Variants in ARX observed in about 807,000 individuals in gnomAD.
The protein encoded by ARX is aristaless related homeobox.
In ARX, 1 loss-of-function variant was observed where a neutral mutation model predicts 23.1. The observed-to-expected ratio is 0.04, with a 90% CI of 0.02 to 0.21. The LOEUF (loss-of-function observed/expected upper bound fraction) is 0.21, where lower values mean the gene tolerates loss of function less well. Among genes scored for constraint, ARX ranks in the 10% least tolerant of loss-of-function variants. The pLI, the probability that ARX is intolerant of heterozygous loss-of-function variation, is 1.00. For synonymous variants in ARX, 301 were observed against 270.1 expected, an observed-to-expected ratio of 1.11 and a Z score of -1.12; for missense variants, 380 against 527.5, an observed-to-expected ratio of 0.72 and a Z score of 2.74.
chrX:25,006,840 G>A (rs999309614), intron 4 of ARX, among the ~76,000 whole-genome samples: 1 of 110,940 alleles, frequency 9.0e-6, no homozygotes, highest in Non-Finnish European at 1.9e-5. Flanking sequence ...CCTGCAAATG[G>A]TACTTTTACA....
chrX:25,004,652 G>C lies in ARX; in HGVS notation c.*18C>G, dbSNP rs1048368184. On this transcript the variant is annotated 3_prime_UTR_variant, in exon 5 of 5. Transcript: ENST00000379044. ...ACCTTTCGGGGCGCGCGCGGGGCGC[G>C]GGTGTGGAGGGCAGCCTTTAGCACA... 2.6e-6 allele frequency: 3 copies of C among 1,163,481 alleles called. No individual in the cohort carries two copies. The highest frequency in any genetic ancestry group is 3.6e-5 in the African/African-American group (2 of 56,173).
chrX:25,015,472 G>C (rs765585311), intron 1 of ARX, 70 bp downstream of exon 1: 1 of 1,140,534 alleles, frequency 8.8e-7, no homozygotes, highest in East Asian at 3.1e-5. Flanking sequence ...CAGGCCACTG[G>C]CCCCCGAACA....
intron 1 of ARX, 86 bp from the exon 2 acceptor site, chrX:25,013,884 C>T: frequency 9.3e-6 from 8 of 858,288 alleles, no homozygotes; most frequent in African/African-American, 2.1e-5. Context: ...GCAGTTGCTC[C>T]CCCAGTGCCT....
At position 25,004,556 on chromosome X, in the gene ARX, C is replaced by G. The variant is rs759841063; in HGVS notation, c.*114G>C. On this transcript the variant is annotated 3_prime_UTR_variant, in exon 5 of 5. Transcript: ENST00000379044. ...AGACTGCTGTGAAGGCGGCTGCGCT[C>G]TCTCAGTGCCGTCTCGGGAGTGTGC... is the stretch of plus-strand genomic sequence containing the variant. 6.7e-5 allele frequency: 75 copies of G among 1,120,670 alleles called. No individual in the cohort carries two copies. Among genetic ancestry groups the G allele is most frequent in the Non-Finnish European group, 8.3e-5 (70 of 844,042 alleles). 92.4% of individuals were successfully genotyped at this position (1,120,670 alleles called of 1,213,427 possible).
intron 2 of ARX, 98 bp downstream of exon 2, chrX:25,012,824 G>A: frequency 2.6e-6 from 3 of 1,157,962 alleles, no homozygotes; most frequent in Non-Finnish European, 3.5e-6. Flanking sequence ...GGAGCCAAGC[G>A]TCCGCCCCGA....
intron 3 of ARX, among the ~76,000 whole-genome samples, chrX:25,009,216 GC>G (rs927138222): frequency 9.9e-5 from 11 of 111,649 alleles, no homozygotes; most frequent in African/African-American, 2.6e-4. Flanking sequence ...TACCTCTGAG[GC>G]CCCCCAAAGG....
Position 25,013,642 on chromosome X carries a change from G to T in ARX, c.353C>A (p.Thr118Lys). Residue 118 changes from threonine (T) to lysine (K), a missense_variant, in exon 2 of 5, where the codon ACG (threonine) becomes AAG (lysine). Transcript: ENST00000379044. ...AGGGGCCTCCCCGCGTGGACCCGCC[G>T]TGGCCGTGGCGGCCGCTGCCGCCGC... ...AAAAAAAATA[T>K]AGPRGEAPPP... 1.3e-6 allele frequency: 1 copy of T among 762,301 alleles called. No individual in the cohort carries two copies. The highest frequency in any genetic ancestry group is 1.5e-6 in the Non-Finnish European group (1 of 647,205). The allele number at this position is 762,301 out of a possible 1,213,427, so 62.8% of individuals were successfully genotyped here.
In ARX at chrX:25,013,157, C is replaced by T; in HGVS notation, c.838G>A (p.Ala280Thr). 8.4e-7 allele frequency: 1 copy of T among 1,196,662 alleles called. No homozygotes were observed. Among genetic ancestry groups the T allele is most frequent in the Non-Finnish European group, 1.1e-6 (1 of 889,222 alleles). ...ATGAVAAAAAAAVATEGGELS... is the reference protein window; with the variant it reads ...ATGAVAAAAATAVATEGGELS... ...TCCCCGCCCTCTGTGGCCACTGCAG[C>T]GGCAGCTGCTGCGGCCACGGCGCCA... The change falls in exon 2 of 5, where the codon GCT (alanine) becomes ACT (threonine). Residue 280 changes from alanine (A) to threonine (T), a missense_variant. By Grantham distance (58) the Ala-to-Thr change is moderately conservative. Coordinates refer to ENST00000379044, the MANE Select transcript of ARX (RefSeq NM_139058.3).
chrX:25,013,514 T>C lies in ARX; in HGVS notation c.481A>G (p.Ile161Val). 1.2e-6 allele frequency: 1 copy of C among 861,887 alleles called. No homozygotes were observed. Among genetic ancestry groups the C allele is most frequent in the Non-Finnish European group, 1.4e-6 (1 of 711,279 alleles). 71.0% of individuals were successfully genotyped at this position (861,887 alleles called of 1,213,427 possible). ...AAAAAWDTLK[I>V]SQAPQVSISR... ...ATGCTCACCTGCGGCGCCTGGCTGA[T>C]CTTGAGCGTGTCCCAGGCCGCGGCG... Residue 161 changes from isoleucine to valine, a missense_variant, in exon 2 of 5, where the codon ATC (isoleucine) becomes GTC (valine). Ile to Val is a conservative substitution (Grantham distance 29). Around this residue, in one of 3 missense-constraint regions of ARX, gnomAD observed 235 missense variants for 270.2 expected, o/e 0.87. Coordinates refer to ENST00000379044, the MANE Select transcript of ARX (RefSeq NM_139058.3).
In ARX at chrX:25,013,686, C is replaced by T. The variant is rs1459300934; in HGVS notation, c.309G>A (p.Ala103=). ...GGRLLQGAAA[A]AAAAAAAAAA... is the part of the protein sequence containing the mutation. ...CCGCCGCCGCCGCCGCCGCCGCCGC[C>T]GCCGCTGCCGCACCCTGAAGGAGGC... The change falls in exon 2 of 5, where the codon GCG becomes GCA. Residue 103 remains alanine (A), a synonymous_variant. Transcript: ENST00000379044. 3.5e-6 allele frequency: 3 copies of T among 862,538 alleles called. No individual in the cohort carries two copies. The highest frequency in any genetic ancestry group is 6.1e-5 in the South Asian group (1 of 16,482). The allele number at this position is 862,538 out of a possible 1,213,427, so 71.1% of individuals were successfully genotyped here.
intron 4 of ARX, 99 bp from the exon 5 acceptor site, chrX:25,005,009 G>A (rs2048671519): frequency 2.0e-6 from 2 of 1,025,356 alleles, no homozygotes; most frequent in Non-Finnish European, 2.5e-6. Context: ...GCTGAGGGGC[G>A]CGGTACCCAC....
At chrX:25,008,300 G>T (rs2048687406) in intron 3 of ARX, among the ~76,000 whole-genome samples, 1 of 112,907 alleles carries the variant, frequency 8.9e-6, no homozygotes, top group Non-Finnish European at 1.9e-5. Flanking sequence ...CAATACCTGG[G>T]CGCATAGAAA....
Position 25,015,683 on chromosome X carries a change from T to G in ARX, c.55A>C (p.Lys19Gln). 1 of 1,206,725 alleles carries G rather than the reference T, an allele frequency of 8.3e-7. No homozygotes were observed. Among genetic ancestry groups the G allele is most frequent in the South Asian group, 1.8e-5 (1 of 55,859 alleles). ...GCSERPECKSKSPTLLSSYCI... is the reference protein window; with the variant it reads ...GCSERPECKSQSPTLLSSYCI... ...TAGGAGGAGAGCAAAGTTGGAGATT[T>G]ACTTTTGCACTCGGGCCTCTCGGAG... The change falls in exon 1 of 5, where the codon AAA (lysine) becomes CAA (glutamine). Residue 19 changes from lysine to glutamine, a missense_variant. By Grantham distance (53) the Lys-to-Gln change is moderately conservative. This residue lies in a region of ARX where 235 missense variants were observed against 270.2 expected (regional missense o/e 0.87). Coordinates refer to ENST00000379044, the MANE Select transcript of ARX (RefSeq NM_139058.3).
At chrX:25,014,106 C>T (rs1305941105) in intron 1 of ARX, among the ~76,000 whole-genome samples, 1 of 108,254 alleles carries the variant, frequency 9.2e-6, no homozygotes, top group Non-Finnish European at 1.9e-5. Context: ...TCCTCTTGCC[C>T]CTCTCTCCCT....
rs1054846913 is a variant in ARX at position 25,003,859 on chromosome X, A to G, written c.*811T>C. On this transcript the variant is annotated 3_prime_UTR_variant, in exon 5 of 5. Coordinates refer to ENST00000379044, the MANE Select transcript of ARX (RefSeq NM_139058.3). ...AATAAGTTAAATAAAGGGCTTGAGT[A>G]CATAAATATTTGTCTAGGAACCCTA... 8.9e-6 allele frequency: 1 copy of G among 111,943 alleles called. No homozygotes were observed. Among genetic ancestry groups the G allele is most frequent in the Non-Finnish European group, 1.9e-5 (1 of 53,208 alleles). The allele number at this position is 111,943 out of a possible 1,213,427, so 9.2% of individuals were successfully genotyped here.
rs587783194 is a variant in ARX, at chrX:25,013,784, T to A, written c.211A>T (p.Ser71Cys). Residue 71 changes from serine (S) to cysteine (C), a missense_variant, in exon 2 of 5, where the codon AGC becomes TGC. Ser to Cys is a moderately radical substitution (Grantham distance 112). Transcript: ENST00000379044. Reference protein sequence around the residue: ...EKAVQGSPKSSSAPFEAELHL... With the variant: ...EKAVQGSPKSCSAPFEAELHL... ...AGCTCGGCCTCGAACGGGGCGCTGC[T>A]GCTCTTAGGGGAGCCTGCGGGCAAG... The A allele has an allele frequency of 8.6e-6, 8 of 927,345 alleles. No homozygotes were observed. Among genetic ancestry groups the A allele is most frequent in the Non-Finnish European group, 1.1e-5 (8 of 749,597 alleles). 76.4% of individuals were successfully genotyped at this position (927,345 alleles called of 1,213,427 possible).
intron 4 of ARX, among the ~76,000 whole-genome samples, chrX:25,005,510 C>T (rs1392191604): frequency 8.9e-6 from 1 of 112,611 alleles, no homozygotes; most frequent in Non-Finnish European, 1.9e-5. Context: ...GGCCGCCCTT[C>T]CGCGCGGGAC....
intron 3 of ARX, among the ~76,000 whole-genome samples, chrX:25,008,512 A>G (rs1185342521): frequency 8.9e-6 from 1 of 112,031 alleles, no homozygotes; most frequent in African/African-American, 3.2e-5. Flanking sequence ...GGCAGCTACC[A>G]TCATCTAAAA....
At chrX:25,011,998 G>A (rs901137619) in intron 2 of ARX, among the ~76,000 whole-genome samples, 1 of 112,413 alleles carries the variant, frequency 8.9e-6, no homozygotes, top group Non-Finnish European at 1.9e-5. Context: ...TACCCGGGCC[G>A]GCGCCCCAGG....
Sources: gnomAD v4.1 joint callset for allele counts (sites outside exome capture counted in the v4.1 genomes callset) on GRCh38, gnomAD v4.1.1 for gene constraint, gnomAD v4.1.1 regional missense constraint, MANE v1.5 for transcripts, NCBI Gene and HGNC (gene_info 2026-07-23, HGNC 2026-07-21) for gene names.